The following ARHGEF37 variants were observed in gnomAD, a reference collection of about 807,000 sequenced individuals.
ARHGEF37 encodes the protein Rho guanine nucleotide exchange factor 37.
ARHGEF37 carries 55 observed loss-of-function variants against 71.1 expected under a neutral mutation model. The ratio of observed to expected loss-of-function variants is 0.77; its 90% CI spans 0.62 to 0.97. The LOEUF is 0.97. ARHGEF37 is among the 50% of genes least tolerant of loss of function. ARHGEF37 has a pLI of 0.00. For synonymous variants in ARHGEF37, 327 were observed against 350.6 expected (o/e 0.93, Z 0.75); for missense variants, 765 against 836.8 (o/e 0.91, Z 1.06).
In ARHGEF37 at chr5:149,631,990, C is replaced by T. The variant is rs200927288; in HGVS notation, c.1827C>T (p.Ala609=). ...CTCCCCATGTGTTTCAGGTCATAGC[C>T]GCGTACCCTTTTGTGGCCAGAAGCA... ...PSIPTMNQVI[A]AYPFVARSSH... The change falls in exon 13 of 13, where the codon GCC becomes GCT. Residue 609 remains alanine, a synonymous_variant. Transcript: ENST00000333677. The T allele has an allele frequency of 1.1e-5, 18 of 1,614,194 alleles. No homozygotes were observed. Among genetic ancestry groups the T allele is most frequent in the East Asian group, 4.5e-5 (2 of 44,876 alleles).
chr5:149,626,415 G>A (rs1294450113), intron 10 of ARHGEF37, among the ~76,000 whole-genome samples: 1 of 152,194 alleles, frequency 6.6e-6, no homozygotes, highest in African/African-American at 2.4e-5. Context: ...ATCATGCAAT[G>A]GAAAAACAGG....
chr5:149,554,453 C>T (rs59844382), intron 1 of ARHGEF37, among the ~76,000 whole-genome samples: 42,956 of 151,990 alleles, frequency 0.28, 6,776 homozygotes, highest in East Asian at 0.62. Flanking sequence ...GGAAACCCTT[C>T]TAACCCTGAG....
chr5:149,557,599 C>T (rs1244831531), intron 1 of ARHGEF37, among the ~76,000 whole-genome samples: 1 of 152,172 alleles, frequency 6.6e-6, no homozygotes, highest in Non-Finnish European at 1.5e-5. Context: ...CTGCCTTAGC[C>T]TCCCAAGTAA....
At chr5:149,600,053 A>G (rs933350328) in intron 2 of ARHGEF37, among the ~76,000 whole-genome samples, 2 of 152,248 alleles carry the variant, frequency 1.3e-5, no homozygotes, top group Admixed American at 1.3e-4. Flanking sequence ...GATATAGCCT[A>G]CTACACACCT....
At chr5:149,570,617 C>T (rs992850120) in intron 1 of ARHGEF37, among the ~76,000 whole-genome samples, 1 of 151,240 alleles carries the variant, frequency 6.6e-6, no homozygotes, top group African/African-American at 2.4e-5. Context: ...GTGGCTCACA[C>T]CTGTAATCCC....
rs1752909459 is a variant in ARHGEF37, at chr5:149,632,319, C to A, written c.*128C>A. 2.2e-5 allele frequency: 23 copies of A among 1,059,424 alleles called. No homozygotes were observed. Among genetic ancestry groups the A allele is most frequent in the Non-Finnish European group, 3.0e-5 (22 of 743,326 alleles). The allele number at this position is 1,059,424 out of a possible 1,614,324, so 65.6% of individuals were successfully genotyped here. A position where few individuals can be genotyped will look rare whatever the true frequency, so the allele number is the denominator to read the frequency against. ...ACCAGGCCAGGGTGGGTGAAGCACA[C>A]TCAGGAGGCAGCCAGAAGACATGGG... On this transcript the variant is annotated 3_prime_UTR_variant, in exon 13 of 13. Coordinates refer to ENST00000333677, the MANE Select transcript of ARHGEF37 (RefSeq NM_001001669.3).
intron 1 of ARHGEF37, among the ~76,000 whole-genome samples, chr5:149,592,501 C>CA (rs1373415832): frequency 2.6e-5 from 4 of 152,166 alleles, no homozygotes; most frequent in Non-Finnish European, 5.9e-5. Context: ...TCTGAGTATT[C>CA]AGTGGCATGG....
At chr5:149,621,339 C>T (rs768838721) in intron 8 of ARHGEF37, among the ~76,000 whole-genome samples, 3 of 151,992 alleles carry the variant, frequency 2.0e-5, no homozygotes, top group Middle Eastern at 3.4e-3. Flanking sequence ...GTGGCATGTG[C>T]TAAGGTGGGA....
At chr5:149,614,381 A>C (rs1752313874) in intron 4 of ARHGEF37, among the ~76,000 whole-genome samples, 1 of 152,030 alleles carries the variant, frequency 6.6e-6, no homozygotes. Flanking sequence ...ACACTCACCC[A>C]GCTCTGTGTA....
At chr5:149,626,084 G>A (rs1422291949) in intron 10 of ARHGEF37, among the ~76,000 whole-genome samples, 1 of 152,140 alleles carries the variant, frequency 6.6e-6, no homozygotes, top group African/African-American at 2.4e-5. Context: ...GACCTGTTTA[G>A]AAACATTGGG....
intron 3 of ARHGEF37, among the ~76,000 whole-genome samples, chr5:149,604,318 A>AT (rs1457416951): frequency 6.6e-6 from 1 of 152,190 alleles, no homozygotes; most frequent in African/African-American, 2.4e-5. Context: ...ACAATGAATA[A>AT]TTTTTTAGTA....
intron 8 of ARHGEF37, among the ~76,000 whole-genome samples, chr5:149,621,365 G>A (rs1296549072): frequency 1.3e-5 from 2 of 152,036 alleles, no homozygotes; most frequent in African/African-American, 4.8e-5. Context: ...GCTTGAGCCT[G>A]ACAGGTAGGC....
At chr5:149,588,063 A>AT (rs1197110357) in intron 1 of ARHGEF37, among the ~76,000 whole-genome samples, 1 of 151,380 alleles carries the variant, frequency 6.6e-6, no homozygotes, top group Non-Finnish European at 1.5e-5. Flanking sequence ...CTCCTGGTTA[A>AT]TTTTTTTGTA....
chr5:149,615,946 C>G (rs4705076), intron 4 of ARHGEF37, among the ~76,000 whole-genome samples: 47,069 of 152,050 alleles, frequency 0.31, 8,968 homozygotes, highest in Non-Finnish European at 0.43. Flanking sequence ...GCAGACCATT[C>G]TATTAAATAA....
rs556499086 is a variant in ARHGEF37 at position 149,627,221 on chromosome 5, A to T, written c.1610A>T (p.Gln537Leu). 1 of 1,614,084 alleles carries T rather than the reference A, an allele frequency of 6.2e-7. No homozygotes were observed. Among genetic ancestry groups the T allele is most frequent in the South Asian group, 1.1e-5 (1 of 91,088 alleles). ...CGGGGCCAAATCGTGGCCATCCTTC[A>T]AAACAAGGACACCAAAGGCAACAGC... ...LPRGQIVAILQNKDTKGNSGR... is the reference protein window; with the variant it reads ...LPRGQIVAILLNKDTKGNSGR... Residue 537 changes from glutamine to leucine, a missense_variant, in exon 11 of 13, where the codon CAA (glutamine) becomes CTA (leucine). Around this residue, in one of 5 missense-constraint regions of ARHGEF37, gnomAD observed 390 missense variants for 407.4 expected, o/e 0.96. Transcript: ENST00000333677.
intron 5 of ARHGEF37, among the ~76,000 whole-genome samples, chr5:149,617,276 C>T (rs1752408568): frequency 6.6e-6 from 1 of 152,126 alleles, no homozygotes; most frequent in African/African-American, 2.4e-5. Flanking sequence ...AGCAATCCAC[C>T]CCTTGAGCTA....
upstream of ARHGEF37, among the ~76,000 whole-genome samples, chr5:149,577,746 C>A (rs1763042753): frequency 6.6e-6 from 1 of 152,210 alleles, no homozygotes; most frequent in Non-Finnish European, 1.5e-5. Context: ...GGACATTTGT[C>A]ATTTTCCTGG....
chr5:149,612,873 A>G (rs114633040), intron 4 of ARHGEF37, among the ~76,000 whole-genome samples: 1 of 152,328 alleles, frequency 6.6e-6, no homozygotes, highest in African/African-American at 2.4e-5. Context: ...TGGGATTCCA[A>G]AATGCACGCT....
At position 149,598,753 on chromosome 5, in the gene ARHGEF37, TATATAG is replaced by T. The variant is rs869032002; in HGVS notation, c.186+822_186+827del. 7.4e-3 allele frequency among the ~76,000 whole-genome samples: 629 copies of T among 85,098 alleles called. 5 individuals carry two copies. The highest frequency in any genetic ancestry group is 0.017 in the African/African-American group (369 of 21,352). The allele number at this position is 85,098 out of a possible 152,430, so 55.8% of individuals were successfully genotyped here. A position where few individuals can be genotyped will look rare whatever the true frequency, so the allele number is the denominator to read the frequency against. ...AATAAATCTCATATATATATATCTA[TATATAG>T]ATATAGATATAGATATAGATATATA... is the stretch of plus-strand genomic sequence containing the variant. On this transcript the variant is annotated intron_variant, in intron 2 of 12. Coordinates refer to ENST00000333677, the MANE Select transcript of ARHGEF37 (RefSeq NM_001001669.3).
Sources: allele counts gnomAD v4.1 joint callset (sites outside exome capture counted in the v4.1 genomes callset), GRCh38; gene constraint gnomAD v4.1.1; regional missense constraint gnomAD v4.1.1; transcripts MANE v1.5; gene names NCBI Gene and HGNC (gene_info 2026-07-23, HGNC 2026-07-21).